The following ITFG1 variants were observed in gnomAD, a reference collection of about 807,000 sequenced individuals.
ITFG1 encodes integrin alpha FG-GAP repeat containing 1, also known as T-cell immunomodulatory protein.
In ITFG1, 34 loss-of-function variants were observed where a neutral mutation model predicts 81.8. That is an observed-to-expected ratio of 0.42 (90% CI 0.32 to 0.55). The LOEUF is 0.55. Ranked by LOEUF, ITFG1 falls within the 20% of genes least tolerant of loss-of-function variation. ITFG1 has a pLI of 0.17. For synonymous variants in ITFG1, 285 were observed against 270.6 expected (o/e 1.05, Z -0.52); for missense variants, 672 against 755.4 (o/e 0.89, Z 1.29).
At chr16:47,196,520 G>T (rs911606156) in intron 14 of ITFG1, 2 of 152,028 alleles carry the variant, frequency 1.3e-5, no homozygotes, top group African/African-American at 4.8e-5. Context: ...CCCAAGCCCC[G>T]CAACCAACTG....
chr16:47,452,835 A>G, intron 3 of ITFG1, 45 bp from the exon 4 acceptor site: 5 of 982,124 alleles, frequency 5.1e-6, no homozygotes, highest in Non-Finnish European at 7.5e-6. Flanking sequence ...GGCATTTTAT[A>G]TTACTTTTGA....
chr16:47,270,580 T>C (rs1479490570), intron 10 of ITFG1, among the ~76,000 whole-genome samples: 4 of 152,220 alleles, frequency 2.6e-5, no homozygotes, highest in Non-Finnish European at 5.9e-5. Context: ...GGAAAGCACA[T>C]GTTCAGACAA....
chr16:47,358,510 C>A (rs1228030823), intron 8 of ITFG1, among the ~76,000 whole-genome samples: 3 of 152,112 alleles, frequency 2.0e-5, no homozygotes, highest in Non-Finnish European at 2.9e-5. Context: ...CAGGATGTCT[C>A]CTACTGAAAC....
intron 6 of ITFG1, among the ~76,000 whole-genome samples, chr16:47,393,290 G>A: frequency 6.6e-6 from 1 of 152,132 alleles, no homozygotes; most frequent in East Asian, 1.9e-4. Flanking sequence ...GAGGGTGCCT[G>A]AGCCTGTATT....
intron 6 of ITFG1, among the ~76,000 whole-genome samples, chr16:47,392,464 A>G (rs1004905285): frequency 6.6e-6 from 1 of 152,170 alleles, no homozygotes; most frequent in Non-Finnish European, 1.5e-5. Context: ...GGAGGAGATC[A>G]GGTCTGAAAT....
At chr16:47,443,542 T>C (rs1596988423) in intron 5 of ITFG1, among the ~76,000 whole-genome samples, 3 of 152,230 alleles carry the variant, frequency 2.0e-5, no homozygotes, top group East Asian at 1.9e-4. Context: ...ATGTGGCACA[T>C]ATACACCATG....
intron 8 of ITFG1, among the ~76,000 whole-genome samples, chr16:47,327,904 A>T (rs566363361): frequency 2.9e-4 from 44 of 152,326 alleles, no homozygotes; most frequent in Non-Finnish European, 6.2e-4. Context: ...CCATTGTGGA[A>T]GTCGGTGTGG....
intron 5 of ITFG1, among the ~76,000 whole-genome samples, chr16:47,437,344 C>T (rs538463608): frequency 2.0e-5 from 3 of 151,630 alleles, no homozygotes; most frequent in Non-Finnish European, 4.4e-5. Context: ...GGCATGCATC[C>T]ATAGTCCCGG....
chr16:47,232,658 T>A (rs886858323), intron 13 of ITFG1, among the ~76,000 whole-genome samples: 2 of 151,832 alleles, frequency 1.3e-5, no homozygotes, highest in Non-Finnish European at 2.9e-5. Flanking sequence ...TTCTTTTTTC[T>A]TTTTTGACAG....
chr16:47,408,735 A>G (rs1038519345), intron 6 of ITFG1, among the ~76,000 whole-genome samples: 1 of 152,238 alleles, frequency 6.6e-6, no homozygotes, highest in Non-Finnish European at 1.5e-5. Flanking sequence ...TATTGAAGAT[A>G]TTAGATTATT....
intron 10 of ITFG1, among the ~76,000 whole-genome samples, chr16:47,282,234 G>A (rs946926717): frequency 5.3e-5 from 8 of 151,598 alleles, no homozygotes; most frequent in African/African-American, 1.9e-4. Flanking sequence ...TACCCATTAA[G>A]TAATTTCTCA....
At chr16:47,349,379 T>C (rs1238513879) in intron 8 of ITFG1, among the ~76,000 whole-genome samples, 1 of 151,594 alleles carries the variant, frequency 6.6e-6, no homozygotes, top group Middle Eastern at 3.4e-3. Flanking sequence ...ACCAAGCAAA[T>C]GGAAAACAAA....
intron 5 of ITFG1, among the ~76,000 whole-genome samples, chr16:47,430,893 TCA>T (rs1969087234): frequency 6.6e-6 from 1 of 152,250 alleles, no homozygotes; most frequent in Non-Finnish European, 1.5e-5. Flanking sequence ...GTAGTGCTAT[TCA>T]CAATAGCCCA....
chr16:47,439,344 G>T (rs529133899), intron 5 of ITFG1, among the ~76,000 whole-genome samples: 1 of 152,252 alleles, frequency 6.6e-6, no homozygotes, highest in East Asian at 1.9e-4. Context: ...ACACCACAAA[G>T]ATACTCCTCG....
intron 8 of ITFG1, among the ~76,000 whole-genome samples, chr16:47,338,769 T>C (rs910095177): frequency 6.6e-6 from 1 of 152,078 alleles, no homozygotes; most frequent in African/African-American, 2.4e-5. Flanking sequence ...CACATCAGGG[T>C]AAATGGGGTT....
intron 8 of ITFG1, among the ~76,000 whole-genome samples, chr16:47,345,243 C>A (rs1213269169): frequency 6.6e-6 from 1 of 151,636 alleles, no homozygotes. Flanking sequence ...TACACTAACA[C>A]TAATGATAGC....
In ITFG1 at chr16:47,398,495, A is replaced by G. The variant is rs896114821; in HGVS notation, c.656-22555T>C. 1.1e-4 allele frequency among the ~76,000 whole-genome samples: 16 copies of G among 152,350 alleles called. No individual in the cohort carries two copies. In the East Asian group the frequency reaches 3.1e-3, roughly 29 times the overall value. On this transcript the variant is annotated intron_variant, in intron 6 of 17. Transcript: ENST00000320640. ...TTGTACCAGTTTTTAGCTGCTCTGT[A>G]AGTTTGTTTGGATCACTTCAGTCAG...
intron 6 of ITFG1, among the ~76,000 whole-genome samples, chr16:47,415,704 T>C (rs1456562042): frequency 6.6e-6 from 1 of 152,054 alleles, no homozygotes; most frequent in Non-Finnish European, 1.5e-5. Flanking sequence ...AATCATCCAA[T>C]GATAATTCAA....
intron 10 of ITFG1, among the ~76,000 whole-genome samples, chr16:47,287,073 T>C (rs1266831900): frequency 6.6e-6 from 1 of 152,178 alleles, no homozygotes; most frequent in African/African-American, 2.4e-5. Flanking sequence ...ATTTGTAAGA[T>C]AAAGCTGAAG....
Sources: allele counts gnomAD v4.1 joint callset (sites outside exome capture counted in the v4.1 genomes callset), GRCh38; gene constraint gnomAD v4.1.1; transcripts MANE v1.5; gene names NCBI Gene and HGNC (gene_info 2026-07-23, HGNC 2026-07-21).